The following APLF variants were observed in gnomAD, a reference collection of about 807,000 sequenced individuals.
APLF encodes aprataxin and PNKP like factor, also known as aprataxin and PNK-like factor.
In APLF, 61 loss-of-function variants were observed where a neutral mutation model predicts 55.6. The observed-to-expected ratio is 1.10, with a 90% confidence interval of 0.89 to 1.36. The LOEUF (loss-of-function observed/expected upper bound fraction) is 1.36, where lower values mean the gene tolerates loss of function less well. APLF is among the 40% of genes most tolerant of loss of function. The probability of loss-of-function intolerance (pLI) is 0.00; values close to 1 mark genes in which losing one functional copy is unlikely to be tolerated. For synonymous variants in APLF, 207 were observed against 214.8 expected, an observed-to-expected ratio of 0.96 and a Z score of 0.32; for missense variants, 611 against 602.5, an observed-to-expected ratio of 1.01 and a Z score of -0.15.
intron 2 of APLF, among the ~76,000 whole-genome samples, chr2:68,500,339 T>C (rs1676682375): frequency 6.6e-6 from 1 of 152,216 alleles, no homozygotes; most frequent in Admixed American, 6.5e-5. Context: ...GGGTTCACTT[T>C]CTTTGTGGCT....
chr2:68,544,456 A>AAT (rs1670643784), intron 7 of APLF, among the ~76,000 whole-genome samples: 1 of 152,194 alleles, frequency 6.6e-6, no homozygotes, highest in African/African-American at 2.4e-5. Flanking sequence ...GTAGAGATTA[A>AAT]ATAAATTTCC....
chr2:68,530,533 G>T (rs1670225479), intron 6 of APLF, among the ~76,000 whole-genome samples: 1 of 152,122 alleles, frequency 6.6e-6, no homozygotes, highest in Non-Finnish European at 1.5e-5. Flanking sequence ...AAAGAAATTT[G>T]CCAGTGGATT....
rs754186223 is a variant in APLF, at chr2:68,513,678, G to A, written c.620G>A (p.Gly207Glu). 10 of 1,610,036 alleles carry A rather than the reference G, an allele frequency of 6.2e-6. No individual in the cohort carries two copies. Among genetic ancestry groups the A allele is most frequent in the Non-Finnish European group, 8.5e-6 (10 of 1,177,662 alleles). The part of the protein sequence containing the change: ...DQNLSVPAIS[G>E]GNVIQGSGKE... ...AACCTTTCAGTACCAGCAATCAGTG[G>A]AGGTAGGTTTTTGTTTCTACTAATG... Residue 207 changes from glycine to glutamate, a missense_variant and splice_region_variant, in exon 5 of 10, where the codon GGA becomes GAA. Coordinates refer to ENST00000303795, the MANE Select transcript of APLF (RefSeq NM_173545.3).
intron 5 of APLF, among the ~76,000 whole-genome samples, chr2:68,518,855 T>C (rs1669777051): frequency 7.9e-6 from 1 of 126,662 alleles, no homozygotes; most frequent in South Asian, 2.3e-4. Flanking sequence ...AAAATACTAA[T>C]ATTATGTCAT....
At chr2:68,517,307 A>G (rs1669634026) in intron 5 of APLF, among the ~76,000 whole-genome samples, 1 of 119,524 alleles carries the variant, frequency 8.4e-6, no homozygotes, top group Admixed American at 9.0e-5. Flanking sequence ...TCATTACTAT[A>G]TAATATATTA....
chr2:68,492,679 T>G (rs1034372412), intron 2 of APLF, among the ~76,000 whole-genome samples: 2 of 152,172 alleles, frequency 1.3e-5, no homozygotes, highest in African/African-American at 4.8e-5. Flanking sequence ...GGTCTTTAAT[T>G]AGATGGTACG....
chr2:68,577,938 C>G lies in APLF; in HGVS notation c.1452C>G (p.Asp484Glu). 6.2e-7 allele frequency: 1 copy of G among 1,613,502 alleles called. No individual in the cohort carries two copies. Among genetic ancestry groups the G allele is most frequent in the Non-Finnish European group, 8.5e-7 (1 of 1,179,718 alleles). ...ATGAGCCAACAGATGAAGATTCTGA[C>G]TGGGAACCAGGAAAGGAAGATGAAG... is the stretch of plus-strand genomic sequence containing the variant. ...EDYEPTDEDS[D>E]WEPGKEDEEK... Residue 484 changes from aspartate (D) to glutamate (E), a missense_variant, in exon 10 of 10, where the codon GAC becomes GAG. Coordinates refer to ENST00000303795, the MANE Select transcript of APLF (RefSeq NM_173545.3).
In APLF at chr2:68,491,537, A is replaced by G. The variant is rs182335347; in HGVS notation, c.168+1276A>G. On this transcript the variant is annotated intron_variant, in intron 2 of 9. Transcript: ENST00000303795. Reference sequence around the variant, plus strand: ...AGTGCCCAATTTCTAATACCCTGCCAATGAACTACCATGGCCTAAAATAAG... The same window carrying G: ...AGTGCCCAATTTCTAATACCCTGCCGATGAACTACCATGGCCTAAAATAAG... 2.0e-4 allele frequency among the ~76,000 whole-genome samples: 31 copies of G among 152,342 alleles called. 1 individual carries two copies. The East Asian group carries it at 5.6e-3, about 27-fold the overall frequency.
chr2:68,545,153 T>C (rs1670665451), intron 7 of APLF, 34 bp from the exon 8 acceptor site: 1 of 1,607,320 alleles, frequency 6.2e-7, no homozygotes, highest in East Asian at 2.2e-5. Context: ...TATCCTATTT[T>C]TTTTTTCTGA....
chr2:68,495,345 G>C (rs1187521084), intron 2 of APLF, among the ~76,000 whole-genome samples: 1 of 152,218 alleles, frequency 6.6e-6, no homozygotes, highest in Non-Finnish European at 1.5e-5. Context: ...AGACATCCCT[G>C]TTTCAAAACA....
chr2:68,495,454 C>T (rs987954439), intron 2 of APLF, among the ~76,000 whole-genome samples: 1 of 152,224 alleles, frequency 6.6e-6, no homozygotes, highest in Non-Finnish European at 1.5e-5. Flanking sequence ...ATATCCTGGG[C>T]ACACTGATGC....
Position 68,473,549 on chromosome 2 carries a change from G to C in APLF, c.96+5722G>C, listed in dbSNP as rs1675685601. On this transcript the variant is annotated intron_variant, in intron 1 of 9. Coordinates refer to ENST00000303795, the MANE Select transcript of APLF (RefSeq NM_173545.3). ...CACAGTTGCTGGATTGGATAGTAAA[G>C]TTGTATAGTAATAGTATGTTTAGTG... is the stretch of plus-strand genomic sequence containing the variant. 1.3e-5 allele frequency among the ~76,000 whole-genome samples: 2 copies of C among 152,158 alleles called. 1 individual carries two copies. Among genetic ancestry groups the C allele is most frequent in the South Asian group, 4.1e-4 (2 of 4,834 alleles).
intron 1 of APLF, among the ~76,000 whole-genome samples, chr2:68,483,333 A>G (rs1676023120): frequency 6.6e-6 from 1 of 152,108 alleles, no homozygotes; most frequent in Non-Finnish European, 1.5e-5. Context: ...CCCTGTGCTT[A>G]CCATTACCCC....
chr2:68,526,009 G>T, intron 5 of APLF, 52 bp from the exon 6 acceptor site: 1 of 1,499,126 alleles, frequency 6.7e-7, no homozygotes, highest in South Asian at 1.3e-5. Flanking sequence ...ATGGATTATT[G>T]ACATTTGAAG....
rs1349347792 is a variant in APLF, at chr2:68,526,216, C to G, written c.778C>G (p.Gln260Glu). 3.1e-6 allele frequency: 5 copies of G among 1,606,524 alleles called. No individual in the cohort carries two copies. Among genetic ancestry groups the G allele is most frequent in the Non-Finnish European group, 4.2e-6 (5 of 1,178,008 alleles). ...DTGEECKNTD[Q>E]EESTISSKEM... ...AGGAGAAGAGTGCAAAAATACTGAT[C>G]AGGAAGAGTCTACCATTTCATCCAA... The change falls in exon 6 of 10, where the codon CAG becomes GAG. Residue 260 changes from glutamine to glutamate, a missense_variant. Gln to Glu is a conservative substitution (Grantham distance 29). Transcript: ENST00000303795.
intron 2 of APLF, among the ~76,000 whole-genome samples, chr2:68,499,248 A>G (rs1015308135): frequency 6.6e-6 from 1 of 152,190 alleles, no homozygotes; most frequent in Admixed American, 6.5e-5. Flanking sequence ...TGAATTTGTT[A>G]AAAGGCATAC....
chr2:68,492,303 G>A (rs991800053), intron 2 of APLF, among the ~76,000 whole-genome samples: 3 of 151,754 alleles, frequency 2.0e-5, no homozygotes, highest in South Asian at 2.1e-4. Context: ...ACGGTGAAAC[G>A]CCGTCTCTAC....
chr2:68,537,052 C>A (rs902772897), intron 6 of APLF, among the ~76,000 whole-genome samples: 2 of 151,810 alleles, frequency 1.3e-5, no homozygotes, highest in Admixed American at 6.6e-5. Flanking sequence ...GTAATCCCAG[C>A]TACTCGGGAG....
chr2:68,477,376 G>A (rs1675812855), intron 1 of APLF, among the ~76,000 whole-genome samples: 1 of 152,158 alleles, frequency 6.6e-6, no homozygotes, highest in African/African-American at 2.4e-5. Flanking sequence ...GCTCATGCCT[G>A]TAATCCTAGC....
Sources: allele counts gnomAD v4.1 joint callset (sites outside exome capture counted in the v4.1 genomes callset), GRCh38; gene constraint gnomAD v4.1.1; transcripts MANE v1.5; gene names NCBI Gene and HGNC (gene_info 2026-07-23, HGNC 2026-07-21).